Variants in RSRC1 observed in about 807,000 individuals in gnomAD.
RSRC1 encodes serine/Arginine-related protein 53.
RSRC1 carries 39 observed loss-of-function variants against 49.1 expected under a neutral mutation model. The ratio of observed to expected loss-of-function variants is 0.79; its 90% CI spans 0.61 to 1.04. The LOEUF (loss-of-function observed/expected upper bound fraction) is 1.04. Among genes scored for constraint, RSRC1 ranks in the 50% least tolerant of loss-of-function variants. The probability of loss-of-function intolerance (pLI) is 0.00; values close to 1 mark genes in which losing one functional copy is unlikely to be tolerated. For missense variants in RSRC1, 388 were observed against 402.4 expected (o/e 0.96, Z 0.31); for synonymous variants, 143 against 130.8 (o/e 1.09, Z -0.63).
At chr3:158,192,534 A>G (rs986070373) in intron 3 of RSRC1, among the ~76,000 whole-genome samples, 18 of 152,040 alleles carry the variant, frequency 1.2e-4, no homozygotes, top group African/African-American at 3.4e-4. Flanking sequence ...ATAAGGTGCT[A>G]GGGAGGATTG....
chr3:158,265,443 C>G (rs1369438421), intron 4 of RSRC1, among the ~76,000 whole-genome samples: 1 of 151,958 alleles, frequency 6.6e-6, no homozygotes, highest in African/African-American at 2.4e-5. Flanking sequence ...CCAGCCTGGC[C>G]AAGATGGTGA....
At chr3:158,156,201 A>T (rs1204794767) in intron 3 of RSRC1, among the ~76,000 whole-genome samples, 1 of 152,180 alleles carries the variant, frequency 6.6e-6, no homozygotes, top group Non-Finnish European at 1.5e-5. Flanking sequence ...TGTTATGGAG[A>T]TGAGTTCTTT....
chr3:158,138,357 C>A (rs1589526), intron 3 of RSRC1, among the ~76,000 whole-genome samples: 96,144 of 152,064 alleles, frequency 0.63, 30,992 homozygotes, highest in African/African-American at 0.73. Context: ...TGGAGACTTT[C>A]ATATGTGCTT....
intron 4 of RSRC1, among the ~76,000 whole-genome samples, chr3:158,286,985 C>A (rs1726603232): frequency 6.6e-6 from 1 of 152,108 alleles, no homozygotes; most frequent in African/African-American, 2.4e-5. Context: ...TGCCACCACA[C>A]CCGGCCAATT....
chr3:158,422,772 C>G (rs924632698), intron 6 of RSRC1, among the ~76,000 whole-genome samples: 10 of 149,948 alleles, frequency 6.7e-5, no homozygotes, highest in African/African-American at 2.2e-4. Context: ...GCCATTCTAA[C>G]TGGTGTGAGA....
At position 158,453,880 on chromosome 3, in the gene RSRC1, TAC is replaced by T. The variant is rs1397148192; in HGVS notation, c.584-7053_584-7052del. ...TTTACTAATTTCTTATGAATTTTAT[TAC>T]AGTCTTTTTTTCCTTGATTAGACTT... On this transcript the variant is annotated intron_variant, in intron 6 of 9. Transcript: ENST00000611884. Among the ~76,000 whole-genome samples the T allele has an allele frequency of 2.0e-5, 3 of 152,226 alleles. No homozygotes were observed. The East Asian group carries it at 5.8e-4, about 29-fold the overall frequency.
At chr3:158,470,146 C>G (rs1436418616) in intron 7 of RSRC1, among the ~76,000 whole-genome samples, 1 of 151,856 alleles carries the variant, frequency 6.6e-6, no homozygotes, top group Non-Finnish European at 1.5e-5. Context: ...TGTGTAGTTT[C>G]TAAATAGAAG....
chr3:158,485,788 T>A (rs1034051841), intron 7 of RSRC1, among the ~76,000 whole-genome samples: 4 of 152,166 alleles, frequency 2.6e-5, no homozygotes, highest in African/African-American at 9.7e-5. Context: ...ATTAGATAAC[T>A]GTGATTTTCA....
intron 4 of RSRC1, among the ~76,000 whole-genome samples, chr3:158,280,559 G>A (rs1726081994): frequency 6.6e-6 from 1 of 150,960 alleles, no homozygotes; most frequent in Non-Finnish European, 1.5e-5. Context: ...GTTTATGTGT[G>A]TGTGTGGTGG....
intron 4 of RSRC1, among the ~76,000 whole-genome samples, chr3:158,254,896 C>G (rs141539858): frequency 0.026 from 4,015 of 152,190 alleles, 160 homozygotes; most frequent in African/African-American, 0.092. Flanking sequence ...ATATCCTCTA[C>G]CCACTTTTTG....
At position 158,297,852 on chromosome 3, in the gene RSRC1, T is replaced by C. The variant is rs941873113; in HGVS notation, c.495-187T>C. On this transcript the variant is annotated intron_variant, in intron 4 of 9. Transcript: ENST00000611884. ...TTTTTTTAGTGAAATACCAATTTAG[T>C]GGTAAATCTGATATAAATTATCTGT... Among the ~76,000 whole-genome samples, 28 of 152,050 alleles carry C rather than the reference T, an allele frequency of 1.8e-4. 1 individual carries two copies. The highest frequency in any genetic ancestry group is 5.9e-5 in the Non-Finnish European group (4 of 67,890).
At chr3:158,538,011 A>T (rs1301813737) in intron 8 of RSRC1, among the ~76,000 whole-genome samples, 1 of 151,786 alleles carries the variant, frequency 6.6e-6, no homozygotes, top group Non-Finnish European at 1.5e-5. Context: ...TTGTTTTAAT[A>T]CATGTTTCCA....
chr3:158,347,552 T>C (rs558160127), intron 5 of RSRC1, among the ~76,000 whole-genome samples: 1 of 152,324 alleles, frequency 6.6e-6, no homozygotes, highest in South Asian at 2.1e-4. Flanking sequence ...ATCTTAATTT[T>C]TTTTTGTTTT....
chr3:158,319,055 A>C (rs1306599531), intron 5 of RSRC1, among the ~76,000 whole-genome samples: 1 of 152,184 alleles, frequency 6.6e-6, no homozygotes, highest in African/African-American at 2.4e-5. Flanking sequence ...ACTTTAACTT[A>C]GTCTTTCCTG....
At chr3:158,247,730 G>A (rs866736538) in intron 4 of RSRC1, among the ~76,000 whole-genome samples, 1 of 152,114 alleles carries the variant, frequency 6.6e-6, no homozygotes, top group Non-Finnish European at 1.5e-5. Flanking sequence ...ACCAGTGAAG[G>A]CTGCAAAAAA....
intron 4 of RSRC1, among the ~76,000 whole-genome samples, chr3:158,290,498 A>G (rs1345918381): frequency 6.6e-6 from 1 of 151,832 alleles, no homozygotes. Flanking sequence ...GATGGTCTCG[A>G]TTTCCTGACC....
At chr3:158,377,633 A>G (rs1246824878) in intron 6 of RSRC1, among the ~76,000 whole-genome samples, 1 of 151,276 alleles carries the variant, frequency 6.6e-6, no homozygotes, top group East Asian at 1.9e-4. Flanking sequence ...AAACTTCTTT[A>G]CAAATTACCC....
intron 6 of RSRC1, among the ~76,000 whole-genome samples, chr3:158,457,650 AATT>A (rs1007345159): frequency 6.6e-6 from 1 of 152,258 alleles, no homozygotes; most frequent in African/African-American, 2.4e-5. Context: ...GCTGACAAAT[AATT>A]ATCAGAATTA....
chr3:158,208,759 GA>G (rs1256565968), intron 4 of RSRC1, among the ~76,000 whole-genome samples: 1 of 152,112 alleles, frequency 6.6e-6, no homozygotes, highest in Non-Finnish European at 1.5e-5. Context: ...GTTGAAATTG[GA>G]TACAACATTA....
Sources: allele counts gnomAD v4.1 joint callset (sites outside exome capture counted in the v4.1 genomes callset), GRCh38; gene constraint gnomAD v4.1.1; transcripts MANE v1.5; gene names NCBI Gene and HGNC (gene_info 2026-07-23, HGNC 2026-07-21).